Variants in KIF2A observed in about 807,000 individuals in gnomAD.
The protein encoded by KIF2A is kinesin family member 2A, also known as kinesin-like protein KIF2A.
In KIF2A, 22 loss-of-function variants were observed where a neutral mutation model predicts 100.2. That is an observed-to-expected ratio of 0.22 (90% CI 0.16 to 0.31). The LOEUF is 0.31. Among genes scored for constraint, KIF2A ranks in the 10% least tolerant of loss-of-function variants. KIF2A has a pLI of 1.00. For missense variants in KIF2A, 495 were observed against 898.7 expected (o/e 0.55, Z 5.74); for synonymous variants, 268 against 285.9 (o/e 0.94, Z 0.63).
At chr5:62,308,194 A>G in intron 1 of KIF2A, 1 of 437,388 alleles carries the variant, frequency 2.3e-6, no homozygotes. Context: ...AGCTTTAGAA[A>G]TTACCAATAA....
intron 1 of KIF2A, among the ~76,000 whole-genome samples, chr5:62,330,220 A>G (rs2111841679): frequency 6.6e-6 from 1 of 152,216 alleles, no homozygotes; most frequent in East Asian, 1.9e-4. Flanking sequence ...GTGTGGTGGC[A>G]GGCACCTCTG....
intron 1 of KIF2A, among the ~76,000 whole-genome samples, chr5:62,340,544 G>A (rs946207929): frequency 8.6e-5 from 13 of 151,998 alleles, no homozygotes; most frequent in Middle Eastern, 3.2e-3. Context: ...TAACGTCTAT[G>A]CATGATCCCT....
chr5:62,354,609 T>G (rs907951737), intron 6 of KIF2A, among the ~76,000 whole-genome samples: 2 of 152,140 alleles, frequency 1.3e-5, no homozygotes, highest in African/African-American at 4.8e-5. Context: ...TTCTGATTCC[T>G]TTAAGTTCTA....
rs985459689 is a variant in KIF2A at position 62,385,870 on chromosome 5, T to C, written c.*301T>C. 133 of 340,166 alleles carry C rather than the reference T, an allele frequency of 3.9e-4. 2 individuals are homozygous for C. The Admixed American group carries it at 5.6e-3, about 14-fold the overall frequency. 21.1% of individuals were successfully genotyped at this position (340,166 alleles called of 1,614,324 possible). A position where few individuals can be genotyped will look rare whatever the true frequency, so the allele number is the denominator to read the frequency against. On this transcript the variant is annotated 3_prime_UTR_variant, in exon 21 of 21. Coordinates refer to ENST00000407818, the MANE Select transcript of KIF2A (RefSeq NM_001098511.3). ...TATTTGATGAAGTAAGACTGTGGAC[T>C]CAATCCAGAGCCAGATAGTAGGGGG...
At chr5:62,374,580 T>C (rs1741461021) in intron 18 of KIF2A, among the ~76,000 whole-genome samples, 1 of 152,162 alleles carries the variant, frequency 6.6e-6, no homozygotes, top group African/African-American at 2.4e-5. Flanking sequence ...TATTAAAATT[T>C]GGGAAAAATT....
intron 1 of KIF2A, among the ~76,000 whole-genome samples, chr5:62,339,178 C>G (rs976118127): frequency 1.3e-5 from 2 of 152,158 alleles, no homozygotes; most frequent in African/African-American, 2.4e-5. Flanking sequence ...CTGGGAAGGT[C>G]TCATGAAGGC....
chr5:62,368,491 A>C (rs113613567), intron 16 of KIF2A, among the ~76,000 whole-genome samples: 4,312 of 152,244 alleles, frequency 0.028, 185 homozygotes, highest in African/African-American at 0.096. Flanking sequence ...TAAAAATGTA[A>C]TAGGGCCAGG....
Position 62,306,465 on chromosome 5 carries a change from A to T in KIF2A, c.-8A>T, listed in dbSNP as rs1188400319. 2 of 1,533,694 alleles carry T rather than the reference A, an allele frequency of 1.3e-6. No individual in the cohort carries two copies. The highest frequency in any genetic ancestry group is 5.1e-5 in the East Asian group (2 of 39,420). ...CCTCGGCCCGCTGCTGCTGCTCCAG[A>T]TGAGGTGATGGCAACGGCCAACTTC... On this transcript the variant is annotated 5_prime_UTR_variant, in exon 1 of 21. It removes an upstream start codon present in the reference 5' UTR. Transcript: ENST00000407818.
chr5:62,309,044 G>A (rs1745442740), intron 1 of KIF2A, among the ~76,000 whole-genome samples: 1 of 152,126 alleles, frequency 6.6e-6, no homozygotes, highest in South Asian at 2.1e-4. Context: ...GCAATAAAAT[G>A]TGTAAATTCT....
intron 1 of KIF2A, among the ~76,000 whole-genome samples, chr5:62,324,604 C>CG (rs1216437982): frequency 6.6e-6 from 1 of 152,102 alleles, no homozygotes; most frequent in Non-Finnish European, 1.5e-5. Flanking sequence ...TAGCAAGCAA[C>CG]GGGGAAAGGA....
At chr5:62,327,581 T>A (rs1746441517) in intron 1 of KIF2A, among the ~76,000 whole-genome samples, 1 of 152,244 alleles carries the variant, frequency 6.6e-6, no homozygotes, top group Non-Finnish European at 1.5e-5. Context: ...ACTTCATACG[T>A]ACAAAACCAA....
At chr5:62,324,229 A>G (rs902551141) in intron 1 of KIF2A, among the ~76,000 whole-genome samples, 1 of 152,176 alleles carries the variant, frequency 6.6e-6, no homozygotes, top group African/African-American at 2.4e-5. Flanking sequence ...ACAAACAGAA[A>G]AACATTCCAT....
intron 1 of KIF2A, among the ~76,000 whole-genome samples, chr5:62,325,224 A>AGTGGT (rs1195247412): frequency 2.0e-5 from 3 of 151,908 alleles, no homozygotes; most frequent in African/African-American, 4.8e-5. Flanking sequence ...TCCTGGGTCA[A>AGTGGT]GTGGTTCTCC....
At chr5:62,318,088 C>CTT (rs1285762833) in intron 1 of KIF2A, among the ~76,000 whole-genome samples, 1 of 145,130 alleles carries the variant, frequency 6.9e-6, no homozygotes. Flanking sequence ...ATTTAGTGGA[C>CTT]TTTTTTTTTT....
Position 62,306,399 on chromosome 5 carries a change from C to T in KIF2A, c.-74C>T, listed in dbSNP as rs1211589044. On this transcript the variant is annotated 5_prime_UTR_variant, in exon 1 of 21. Coordinates refer to ENST00000407818, the MANE Select transcript of KIF2A (RefSeq NM_001098511.3). Reference sequence around the variant, plus strand: ...GCAACCGCTCCCCCTCCCACACCTACCCCGCCCCCTCCCCGCCTTTTCCGC... The same window carrying T: ...GCAACCGCTCCCCCTCCCACACCTATCCCGCCCCCTCCCCGCCTTTTCCGC... 9 of 585,988 alleles carry T rather than the reference C, an allele frequency of 1.5e-5. No homozygotes were observed. The highest frequency in any genetic ancestry group is 2.8e-5 in the Non-Finnish European group (9 of 316,906). 36.3% of individuals were successfully genotyped at this position (585,988 alleles called of 1,614,324 possible). A position where few individuals can be genotyped will look rare whatever the true frequency, so the allele number is the denominator to read the frequency against.
intron 17 of KIF2A, 128 bp downstream of exon 17, chr5:62,372,679 G>A: frequency 1.7e-6 from 1 of 588,378 alleles, no homozygotes. Context: ...CATTTGGCAG[G>A]TGGTGGTTGT....
In KIF2A at chr5:62,322,635, G is replaced by A. The variant is rs1746154670; in HGVS notation, c.64+16099G>A. On this transcript the variant is annotated intron_variant, in intron 1 of 20. Coordinates refer to ENST00000407818, the MANE Select transcript of KIF2A (RefSeq NM_001098511.3). ...TTTGGTAAAGGATGAATAAGGCCTT[G>A]AAATACCTTGCAACTCTAGTCTCAA... Among the ~76,000 whole-genome samples the A allele has an allele frequency of 2.0e-5, 3 of 152,102 alleles. No homozygotes were observed. In the South Asian group the frequency reaches 6.2e-4, roughly 32 times the overall value.
intron 1 of KIF2A, among the ~76,000 whole-genome samples, chr5:62,326,719 G>C (rs186593741): frequency 2.5e-4 from 38 of 152,128 alleles, no homozygotes; most frequent in African/African-American, 9.2e-4. Context: ...TCTTAGGCTA[G>C]GTGTGGTGGC....
chr5:62,328,472 C>T (rs1033353278), intron 1 of KIF2A, among the ~76,000 whole-genome samples: 5 of 152,084 alleles, frequency 3.3e-5, no homozygotes, highest in Admixed American at 6.6e-5. Flanking sequence ...TGCTGAACAA[C>T]ATCAGGAAAC....
Sources: allele counts gnomAD v4.1 joint callset (sites outside exome capture counted in the v4.1 genomes callset), GRCh38; gene constraint gnomAD v4.1.1; transcripts MANE v1.5; gene names NCBI Gene and HGNC (gene_info 2026-07-23, HGNC 2026-07-21).